The following AP1G1 variants were observed in gnomAD, a reference collection of about 807,000 sequenced individuals.
The protein encoded by AP1G1 is adaptor related protein complex 1 subunit gamma 1.
In AP1G1, 7 loss-of-function variants were observed where a neutral mutation model predicts 108.3. That is an observed-to-expected ratio of 0.06 (90% CI 0.04 to 0.12). The LOEUF is 0.12. AP1G1 is among the 10% of genes least tolerant of loss of function. The probability of loss-of-function intolerance (pLI) is 1.00; values close to 1 mark genes in which losing one functional copy is unlikely to be tolerated. For synonymous variants in AP1G1, 379 were observed against 353.5 expected (o/e 1.07, Z -0.81); for missense variants, 756 against 1,010.7 (o/e 0.75, Z 3.42).
rs1380769810 is a variant in AP1G1, at chr16:71,729,751, C to A, written c.*3307G>T. The A allele has an allele frequency of 6.6e-6, 1 of 152,654 alleles. No individual in the cohort carries two copies. Among genetic ancestry groups the A allele is most frequent in the African/African-American group, 2.4e-5 (1 of 41,458 alleles). 9.5% of individuals were successfully genotyped at this position (152,654 alleles called of 1,614,324 possible). ...ATGAATACACAGACATGTAAAACCA[C>A]TCTCCCAACTACAAAGTTCATGAAC... On this transcript the variant is annotated 3_prime_UTR_variant, in exon 23 of 23. Transcript: ENST00000299980.
chr16:71,744,711 G>GA (rs1299831906), intron 19 of AP1G1, among the ~76,000 whole-genome samples: 4 of 151,814 alleles, frequency 2.6e-5, no homozygotes, highest in Non-Finnish European at 5.9e-5. Context: ...GAGTAGCTGG[G>GA]ATTATAGGCA....
At chr16:71,786,596 G>T (rs1361960960) in intron 2 of AP1G1, among the ~76,000 whole-genome samples, 1 of 152,054 alleles carries the variant, frequency 6.6e-6, no homozygotes, top group East Asian at 1.9e-4. Context: ...GAGTAGCTGG[G>T]ACTACAGGCA....
intron 1 of AP1G1, among the ~76,000 whole-genome samples, chr16:71,805,629 G>A (rs1416318248): frequency 6.6e-6 from 1 of 152,132 alleles, no homozygotes; most frequent in Non-Finnish European, 1.5e-5. Context: ...ATGCAAATAA[G>A]GGGATTAAGC....
intron 2 of AP1G1, among the ~76,000 whole-genome samples, chr16:71,778,469 G>A (rs2031874040): frequency 6.6e-6 from 1 of 152,096 alleles, no homozygotes; most frequent in African/African-American, 2.4e-5. Context: ...GACTGCCTGA[G>A]CTCAGGAGTT....
chr16:71,805,432 C>G (rs1024190978), intron 1 of AP1G1, among the ~76,000 whole-genome samples: 1 of 152,056 alleles, frequency 6.6e-6, no homozygotes, highest in African/African-American at 2.4e-5. Flanking sequence ...GCCTGGGAGA[C>G]AGAGTAAGAC....
chr16:71,788,547 T>C (rs939623528), intron 2 of AP1G1, among the ~76,000 whole-genome samples: 4 of 152,044 alleles, frequency 2.6e-5, no homozygotes, highest in Admixed American at 1.3e-4. Context: ...TAGAACAAAA[T>C]AGACGCCACC....
In AP1G1 at chr16:71,734,477, T is replaced by A. The variant is rs1281891643; in HGVS notation, c.2367+132A>T. ...TGTTATTTACAAAAGAGCAAGGAAG[T>A]TAGACCAGGCATTTTCATTGATCTC... is the stretch of plus-strand genomic sequence containing the variant. On this transcript the variant is annotated intron_variant, in intron 22 of 22. Transcript: ENST00000299980. The A allele has an allele frequency of 5.4e-6, 4 of 734,782 alleles. No homozygotes were observed. In the African/African-American group the frequency reaches 7.0e-5, roughly 13 times the overall value. 45.5% of individuals were successfully genotyped at this position (734,782 alleles called of 1,614,324 possible). A position where few individuals can be genotyped will look rare whatever the true frequency, so the allele number is the denominator to read the frequency against.
intron 5 of AP1G1, among the ~76,000 whole-genome samples, chr16:71,770,066 T>C (rs535331772): frequency 6.6e-6 from 1 of 152,272 alleles, no homozygotes; most frequent in East Asian, 1.9e-4. Context: ...TAACAGATAA[T>C]TCAAGAGGCA....
intron 13 of AP1G1, among the ~76,000 whole-genome samples, chr16:71,751,829 C>T (rs1368260946): frequency 1.3e-5 from 2 of 152,088 alleles, no homozygotes; most frequent in Admixed American, 6.5e-5. Context: ...TCTTAGACCA[C>T]ACAGAATTAA....
chr16:71,750,446 G>T, intron 13 of AP1G1, 114 bp from the exon 14 acceptor site: 2 of 1,279,504 alleles, frequency 1.6e-6, no homozygotes, highest in Non-Finnish European at 2.2e-6. Flanking sequence ...ACAGAGTCTC[G>T]CTCTGTCACC....
Position 71,796,330 on chromosome 16 carries a change from A to G in AP1G1, c.-3-6848T>C, listed in dbSNP as rs931453294. Among the ~76,000 whole-genome samples, 48 of 152,176 alleles carry G rather than the reference A, an allele frequency of 3.2e-4. 1 individual carries two copies. Among genetic ancestry groups the G allele is most frequent in the African/African-American group, 1.1e-3 (45 of 41,442 alleles). On this transcript the variant is annotated intron_variant, in intron 1 of 22. Coordinates refer to ENST00000299980, the MANE Select transcript of AP1G1 (RefSeq NM_001128.6). ...ATTGTAAGACAAGCATAATTCTTTG[A>G]TCAGGTTTCACCATGGCTTAAAATG...
chr16:71,745,513 T>C lies in AP1G1; in HGVS notation c.1832A>G (p.Glu611Gly), dbSNP rs2030127260. 2.5e-6 allele frequency: 4 copies of C among 1,614,176 alleles called. No individual in the cohort carries two copies. The highest frequency in any genetic ancestry group is 3.4e-6 in the Non-Finnish European group (4 of 1,180,032). ...TGGCCCAGAGGGTGGCGGTTTGGTC[T>C]CTAGTGGAGCTGGTTCTGTCTCTCC... The part of the protein sequence containing the change: ...TNGETEPAPL[E>G]TKPPPSGPQP... Residue 611 changes from glutamate (E) to glycine (G), a missense_variant, in exon 18 of 23, where the codon GAG becomes GGG. Physicochemically the swap from Glu to Gly is moderately conservative, Grantham distance 98. Around this residue, in one of 3 missense-constraint regions of AP1G1, gnomAD observed 357 missense variants for 366.5 expected, o/e 0.97. Coordinates refer to ENST00000299980, the MANE Select transcript of AP1G1 (RefSeq NM_001128.6).
At chr16:71,808,167 C>T in intron 1 of AP1G1, 1 of 1,138,026 alleles carries the variant, frequency 8.8e-7, no homozygotes, top group Admixed American at 4.5e-5. Flanking sequence ...AAAGGGTAAA[C>T]AGTATACTCG....
At chr16:71,769,519 G>A (rs1039079091) in intron 6 of AP1G1, 104 bp downstream of exon 6, 8 of 1,118,252 alleles carry the variant, frequency 7.2e-6, no homozygotes, top group Non-Finnish European at 1.1e-5. Context: ...CCCTTATTCA[G>A]ATCCATAGCT....
At chr16:71,797,371 A>G (rs1325141982) in intron 1 of AP1G1, among the ~76,000 whole-genome samples, 3 of 152,134 alleles carry the variant, frequency 2.0e-5, no homozygotes, top group Non-Finnish European at 2.9e-5. Context: ...ACTTGCTTTG[A>G]AAAAAAGCAA....
intron 19 of AP1G1, among the ~76,000 whole-genome samples, chr16:71,744,773 A>G (rs1008303568): frequency 6.6e-5 from 10 of 151,900 alleles, no homozygotes; most frequent in African/African-American, 2.4e-4. Context: ...ATGGCGTTTC[A>G]CCATGTTGGC....
intron 21 of AP1G1, among the ~76,000 whole-genome samples, chr16:71,736,091 TC>T (rs1209326838): frequency 1.1e-4 from 4 of 37,946 alleles, no homozygotes; most frequent in African/African-American, 4.6e-4. Context: ...AGAGTGAGAC[TC>T]CATCTCAAAA....
At chr16:71,778,190 A>G (rs939642698) in intron 2 of AP1G1, among the ~76,000 whole-genome samples, 1 of 152,238 alleles carries the variant, frequency 6.6e-6, no homozygotes, top group Admixed American at 6.5e-5. Flanking sequence ...CATTATTTCA[A>G]TATTCCCCCA....
intron 4 of AP1G1, among the ~76,000 whole-genome samples, chr16:71,771,767 A>G (rs1045010125): frequency 1.3e-5 from 2 of 152,214 alleles, no homozygotes; most frequent in African/African-American, 2.4e-5. Flanking sequence ...TGTGATAATC[A>G]TACCTCTGAG....
Sources: gnomAD v4.1 joint callset for allele counts (sites outside exome capture counted in the v4.1 genomes callset) on GRCh38, gnomAD v4.1.1 for gene constraint, gnomAD v4.1.1 regional missense constraint, MANE v1.5 for transcripts, NCBI Gene and HGNC (gene_info 2026-07-23, HGNC 2026-07-21) for gene names.